The following BID variants were observed in gnomAD, a reference collection of about 807,000 sequenced individuals.
BID encodes BH3 interacting domain death agonist.
A neutral mutation model predicts 17.4 loss-of-function variants in BID; 19 were observed. The ratio of observed to expected loss-of-function variants is 1.09; its 90% CI spans 0.76 to 1.60. The LOEUF (loss-of-function observed/expected upper bound fraction) is 1.60, where lower values mean the gene tolerates loss of function less well. BID is among the 40% of genes most tolerant of loss of function. The pLI, the probability that BID is intolerant of heterozygous loss-of-function variation, is 0.00. For synonymous variants in BID, 108 were observed against 102.8 expected (o/e 1.05, Z -0.31); for missense variants, 226 against 256.0 (o/e 0.88, Z 0.80).
intron 1 of BID, among the ~76,000 whole-genome samples, chr22:17,758,953 C>T (rs1443210750): frequency 6.6e-6 from 1 of 152,106 alleles, no homozygotes; most frequent in Non-Finnish European, 1.5e-5. Context: ...GCCAGGTGGG[C>T]CAGGTGTGGT....
chr22:17,771,170 G>A (rs1426551750), intron 1 of BID, among the ~76,000 whole-genome samples: 1 of 152,180 alleles, frequency 6.6e-6, no homozygotes, highest in Non-Finnish European at 1.5e-5. Context: ...CGCGATCTCG[G>A]CTCACTGCAA....
At chr22:17,761,517 T>C (rs910790023) in intron 1 of BID, among the ~76,000 whole-genome samples, 2 of 150,810 alleles carry the variant, frequency 1.3e-5, no homozygotes, top group Non-Finnish European at 1.5e-5. Flanking sequence ...CTGCAAGCTC[T>C]GCCTCCTGGG....
At chr22:17,766,312 C>T (rs2061678354) in intron 1 of BID, among the ~76,000 whole-genome samples, 1 of 144,550 alleles carries the variant, frequency 6.9e-6, no homozygotes, top group Admixed American at 7.0e-5. Context: ...GATGGAGTCT[C>T]ACTTTGTCGC....
At chr22:17,739,515 C>G (rs1182988286) in intron 3 of BID, 27 bp from the exon 4 acceptor site, 1 of 1,600,208 alleles carries the variant, frequency 6.2e-7, no homozygotes, top group Non-Finnish European at 8.5e-7. Context: ...GCGGCAGAGA[C>G]AGAGCAGACT....
intron 1 of BID, among the ~76,000 whole-genome samples, chr22:17,753,708 C>T (rs372392238): frequency 1.3e-5 from 2 of 152,254 alleles, no homozygotes; most frequent in Non-Finnish European, 2.9e-5. Context: ...AGGAAACTCA[C>T]GCAGCCAGGA....
At position 17,739,390 on chromosome 22, in the gene BID, C is replaced by T. The variant is rs143198074; in HGVS notation, c.322G>A (p.Gly108Ser). Reference sequence around the variant, plus strand: ...GTGTTCCTGAGCTGCAGGGCCAGGCCGTTCACCAGGCCCGGAGGGATGCTA... The same window carrying T: ...GTGTTCCTGAGCTGCAGGGCCAGGCTGTTCACCAGGCCCGGAGGGATGCTA... ...DRSIPPGLVN[G>S]LALQLRNTSR... The change falls in exon 4 of 6, where the codon GGC becomes AGC. Residue 108 changes from glycine to serine, a missense_variant. Coordinates refer to ENST00000622694, the MANE Select transcript of BID (RefSeq NM_001196.4). The T allele has an allele frequency of 4.4e-6, 7 of 1,607,594 alleles. No homozygotes were observed. Among genetic ancestry groups the T allele is most frequent in the South Asian group, 1.1e-5 (1 of 90,910 alleles).
chr22:17,741,155 C>T (rs552565065), intron 3 of BID: 1 of 152,344 alleles, frequency 6.6e-6, no homozygotes, highest in African/African-American at 2.4e-5. Context: ...CCCCTTAGCT[C>T]TCATCTGATG....
chr22:17,746,136 T>C (rs1357564131), intron 2 of BID, among the ~76,000 whole-genome samples: 2 of 151,560 alleles, frequency 1.3e-5, no homozygotes, highest in African/African-American at 4.9e-5. Flanking sequence ...AATCAAATAC[T>C]GACTGTTCTC....
In BID at chr22:17,735,246, A is replaced by C. The variant is rs938388909; in HGVS notation, c.*334T>G. On this transcript the variant is annotated 3_prime_UTR_variant, in exon 6 of 6. Transcript: ENST00000622694. ...ATTGTATTTTGTTTCTACTTCCTTGAAACCTGCTTTCCAATTTAATTTTTA... is the reference window on the plus strand; with the variant it reads ...ATTGTATTTTGTTTCTACTTCCTTGCAACCTGCTTTCCAATTTAATTTTTA... The C allele has an allele frequency of 3.3e-5, 9 of 270,384 alleles. No individual in the cohort carries two copies. Among genetic ancestry groups the C allele is most frequent in the African/African-American group, 2.0e-4 (9 of 44,894 alleles). 16.7% of individuals were successfully genotyped at this position (270,384 alleles called of 1,614,324 possible). A position where few individuals can be genotyped will look rare whatever the true frequency, so the allele number is the denominator to read the frequency against.
chr22:17,760,194 C>T (rs2061626584), intron 1 of BID, among the ~76,000 whole-genome samples: 2 of 149,598 alleles, frequency 1.3e-5, no homozygotes, highest in South Asian at 4.2e-4. Context: ...GCCTATACTC[C>T]CAGCACTTTG....
chr22:17,735,343 G>T lies in BID; in HGVS notation c.*237C>A. ...CAGATGTGCAGATTCATGTGTGGAT[G>T]ATATGAAGGCCATTCAAATACGTGT... is the stretch of plus-strand genomic sequence containing the variant. On this transcript the variant is annotated 3_prime_UTR_variant, in exon 6 of 6. Transcript: ENST00000622694. The T allele has an allele frequency of 1.9e-6, 1 of 536,820 alleles. No homozygotes were observed. Among genetic ancestry groups the T allele is most frequent in the Non-Finnish European group, 3.3e-6 (1 of 303,180 alleles). 33.3% of individuals were successfully genotyped at this position (536,820 alleles called of 1,614,324 possible).
Position 17,750,172 on chromosome 22 carries a change from G to C in BID, c.-56C>G. Reference sequence around the variant, plus strand: ...TCCTGGTTCACAGTGTCCCAGTGGCGACCTGGAAAGGGACACACAGAGTGG... The same window carrying C: ...TCCTGGTTCACAGTGTCCCAGTGGCCACCTGGAAAGGGACACACAGAGTGG... On this transcript the variant is annotated splice_region_variant and 5_prime_UTR_variant, in exon 2 of 6. Transcript: ENST00000622694. 1 of 1,612,340 alleles carries C rather than the reference G, an allele frequency of 6.2e-7. No homozygotes were observed. The highest frequency in any genetic ancestry group is 8.5e-7 in the Non-Finnish European group (1 of 1,179,550).
chr22:17,745,565 A>G (rs2145882967), intron 2 of BID, among the ~76,000 whole-genome samples: 1 of 152,158 alleles, frequency 6.6e-6, no homozygotes, highest in African/African-American at 2.4e-5. Context: ...CGGGAAGGTC[A>G]CTTGAGCCCA....
chr22:17,774,401 G>A lies in BID; in HGVS notation c.-79C>T, dbSNP rs1171859983. On this transcript the variant is annotated 5_prime_UTR_variant, in exon 1 of 6. Transcript: ENST00000622694. ...CTCACCACCCTCCAGCCGCGGGGGC[G>A]CGGGCGCGTCCGGGCCGAGGCAGCG... 1 of 246,200 alleles carries A rather than the reference G, an allele frequency of 4.1e-6. No individual in the cohort carries two copies. The highest frequency in any genetic ancestry group is 1.7e-4 in the East Asian group (1 of 5,936). The allele number at this position is 246,200 out of a possible 1,614,324, so 15.3% of individuals were successfully genotyped here.
chr22:17,756,199 G>A (rs2145901904), intron 1 of BID, among the ~76,000 whole-genome samples: 1 of 152,304 alleles, frequency 6.6e-6, no homozygotes, highest in South Asian at 2.1e-4. Context: ...CATGTGAAAG[G>A]TTTTATTAAC....
chr22:17,735,947 A>C (rs927818027), intron 5 of BID, among the ~76,000 whole-genome samples: 3 of 152,118 alleles, frequency 2.0e-5, no homozygotes, highest in African/African-American at 7.2e-5. Context: ...TGTTGGTAAA[A>C]GCTGTCCAGG....
intron 1 of BID, among the ~76,000 whole-genome samples, chr22:17,766,081 T>C (rs1335729446): frequency 6.6e-6 from 1 of 151,898 alleles, no homozygotes; most frequent in Non-Finnish European, 1.5e-5. Flanking sequence ...ACAACCACCA[T>C]GCCCGGCTAA....
At chr22:17,758,235 C>T (rs556132037) in intron 1 of BID, among the ~76,000 whole-genome samples, 9 of 152,344 alleles carry the variant, frequency 5.9e-5, no homozygotes, top group Admixed American at 5.9e-4. Flanking sequence ...AGCTACTCTT[C>T]CCAGGAGGCC....
intron 3 of BID, among the ~76,000 whole-genome samples, chr22:17,743,181 T>C (rs2061472857): frequency 6.6e-6 from 1 of 152,222 alleles, no homozygotes; most frequent in Non-Finnish European, 1.5e-5. Context: ...TCACGGAGCA[T>C]AATGTATGAA....
Sources: allele counts gnomAD v4.1 joint callset (sites outside exome capture counted in the v4.1 genomes callset), GRCh38; gene constraint gnomAD v4.1.1; transcripts MANE v1.5; gene names NCBI Gene and HGNC (gene_info 2026-07-23, HGNC 2026-07-21).